Variants in COL21A1 observed in about 807,000 individuals in gnomAD.
The protein encoded by COL21A1 is collagen alpha-1(XXI) chain.
Under a neutral mutation model 137.9 loss-of-function variants are expected in COL21A1, and 149 were observed. The ratio of observed to expected loss-of-function variants is 1.08; its 90% CI spans 0.95 to 1.24. The LOEUF (loss-of-function observed/expected upper bound fraction) is 1.24, where lower values mean the gene tolerates loss of function less well. Among genes scored for constraint, COL21A1 ranks in the 50% most tolerant of loss-of-function variants. The pLI, the probability that COL21A1 is intolerant of heterozygous loss-of-function variation, is 0.00. For synonymous variants in COL21A1, 456 were observed against 391.5 expected, an observed-to-expected ratio of 1.16 and a Z score of -1.95; for missense variants, 1,167 against 1,158.4, an observed-to-expected ratio of 1.01 and a Z score of -0.11.
Position 56,253,582 on chromosome 6 carries a change from GAAAC to G in COL21A1, c.-38-70930_-38-70927del, listed in dbSNP as rs1391235548. 1.1e-4 allele frequency among the ~76,000 whole-genome samples: 17 copies of G among 152,126 alleles called. No individual in the cohort carries two copies. The East Asian group carries it at 3.3e-3, about 29-fold the overall frequency. ...AGAGTAGCTACATCCAGCCATTACT[GAAAC>G]TAGGCCTACTTCTGTATTTTTCCCT... On this transcript the variant is annotated intron_variant, in intron 1 of 28. Coordinates refer to the COL21A1 transcript ENST00000370819.
Position 56,088,037 on chromosome 6 carries a change from A to T in COL21A1, c.1813-10464T>A, listed in dbSNP as rs1768423011. ...AAGCTGGAGAATTGATAAATTCTTC[A>T]TCTTTGTTTTGCTTTAATTTATCAT... On this transcript the variant is annotated intron_variant, in intron 17 of 29. Coordinates refer to ENST00000244728, the MANE Select transcript of COL21A1 (RefSeq NM_030820.4). Among the ~76,000 whole-genome samples, 8 of 152,006 alleles carry T rather than the reference A, an allele frequency of 5.3e-5. No individual in the cohort carries two copies. In the South Asian group the frequency reaches 1.7e-3, roughly 32 times the overall value.
Position 56,077,524 on chromosome 6 carries a change from C to CT in COL21A1, c.1857+4dup, listed in dbSNP as rs1019032506. ...GGCCCAAAGCTAACTCTCATGAATA[C>CT]TTACCTTTTGGCCCATTAATCCTCG... On this transcript the variant is annotated splice_donor_region_variant and intron_variant, in intron 18 of 29. Coordinates refer to ENST00000244728, the MANE Select transcript of COL21A1 (RefSeq NM_030820.4). The CT allele has an allele frequency of 1.9e-6, 3 of 1,570,808 alleles. No individual in the cohort carries two copies. The African/African-American group carries it at 4.1e-5, about 21-fold the overall frequency.
intron 1 of COL21A1, chr6:56,276,785 T>C: frequency 9.0e-7 from 1 of 1,115,934 alleles, no homozygotes; most frequent in Non-Finnish European, 1.3e-6. Context: ...ATTCTGGTTG[T>C]TCAGTGAGTT....
chr6:56,212,347 C>T (rs998597552), intron 1 of COL21A1, among the ~76,000 whole-genome samples: 10 of 151,860 alleles, frequency 6.6e-5, no homozygotes, highest in African/African-American at 2.2e-4. Flanking sequence ...ACACAGCCCC[C>T]CACCAAAAGA....
chr6:56,319,252 T>C (rs967756325), intron 1 of COL21A1, among the ~76,000 whole-genome samples: 2 of 152,132 alleles, frequency 1.3e-5, no homozygotes, highest in Admixed American at 1.3e-4. Flanking sequence ...ATGCAGAAGT[T>C]TTCACACCTG....
chr6:56,277,561 A>G (rs1409037630), intron 1 of COL21A1, among the ~76,000 whole-genome samples: 1 of 152,248 alleles, frequency 6.6e-6, no homozygotes, highest in Non-Finnish European at 1.5e-5. Flanking sequence ...TACCAAATAC[A>G]CTAAATAGTC....
At chr6:56,309,055 T>C (rs1271514118) in intron 1 of COL21A1, among the ~76,000 whole-genome samples, 1 of 151,962 alleles carries the variant, frequency 6.6e-6, no homozygotes, top group African/African-American at 2.4e-5. Flanking sequence ...CTTTTTTTTT[T>C]TTTTCCCCGA....
intron 1 of COL21A1, among the ~76,000 whole-genome samples, chr6:56,349,715 C>A (rs1412208153): frequency 6.6e-6 from 1 of 152,186 alleles, no homozygotes; most frequent in East Asian, 1.9e-4. Context: ...TCTATTTCTT[C>A]TTTTACATTA....
chr6:56,295,085 C>A (rs1764132394), intron 1 of COL21A1, among the ~76,000 whole-genome samples: 1 of 151,932 alleles, frequency 6.6e-6, no homozygotes, highest in African/African-American at 2.4e-5. Flanking sequence ...CGTCTATGAT[C>A]CATTTTGAGT....
At chr6:56,151,370 A>G (rs1480770780) in intron 10 of COL21A1, among the ~76,000 whole-genome samples, 1 of 152,200 alleles carries the variant, frequency 6.6e-6, no homozygotes, top group African/African-American at 2.4e-5. Context: ...CAATGTATAA[A>G]TCTCTGTAAT....
At chr6:56,320,518 AACACACACACACAC>A (rs55942460) in intron 1 of COL21A1, among the ~76,000 whole-genome samples, 2 of 149,492 alleles carry the variant, frequency 1.3e-5, no homozygotes, top group African/African-American at 2.5e-5. Context: ...ACACAATCTG[AACACACACACACAC>A]ACACACACAC....
At chr6:56,177,714 C>G (rs1777595851) in intron 3 of COL21A1, among the ~76,000 whole-genome samples, 1 of 150,042 alleles carries the variant, frequency 6.7e-6, no homozygotes, top group East Asian at 2.0e-4. Flanking sequence ...ATGGCATGAA[C>G]CCGGGAGGCG....
intron 1 of COL21A1, among the ~76,000 whole-genome samples, chr6:56,311,460 C>T (rs936024988): frequency 6.6e-6 from 1 of 152,116 alleles, no homozygotes; most frequent in Middle Eastern, 3.2e-3. Context: ...GCTAGTGGAA[C>T]CCTTTATAAT....
chr6:56,340,077 A>G (rs1765431568), intron 1 of COL21A1, among the ~76,000 whole-genome samples: 1 of 152,284 alleles, frequency 6.6e-6, no homozygotes, highest in African/African-American at 2.4e-5. Context: ...CCATCTCAGA[A>G]CCGTACATGC....
At chr6:56,341,925 A>G (rs1246272638) in intron 1 of COL21A1, among the ~76,000 whole-genome samples, 2 of 152,170 alleles carry the variant, frequency 1.3e-5, no homozygotes, top group Non-Finnish European at 1.5e-5. Flanking sequence ...TAAAAATCAC[A>G]AAAAATAATG....
chr6:56,067,590 G>C (rs997639076), intron 22 of COL21A1, among the ~76,000 whole-genome samples: 1 of 151,630 alleles, frequency 6.6e-6, no homozygotes, highest in East Asian at 1.9e-4. Context: ...TTCCCAGAAA[G>C]GAGAAAACTT....
At chr6:56,289,819 G>A (rs1423882534) in intron 1 of COL21A1, among the ~76,000 whole-genome samples, 3 of 152,164 alleles carry the variant, frequency 2.0e-5, no homozygotes, top group Admixed American at 6.5e-5. Flanking sequence ...GATGGAGGTC[G>A]TTAAGGGGAG....
chr6:56,060,072 C>A lies in COL21A1; in HGVS notation c.2554G>T (p.Gly852Cys), dbSNP rs540310046. The change falls in exon 28 of 30, where the codon GGT (glycine) becomes TGT (cysteine). Residue 852 changes from glycine to cysteine, a missense_variant. By Grantham distance (159) the Gly-to-Cys change is radical. Coordinates refer to ENST00000244728, the MANE Select transcript of COL21A1 (RefSeq NM_030820.4). ...GGGACACCCACTAATCCAGGAACAC[C>A]ATCTCTTCCTGGCAAACCAGGTAAT... The part of the protein sequence containing the change: ...RGLPGLPGRD[G>C]VPGLVGVPGR... 1 of 1,610,352 alleles carries A rather than the reference C, an allele frequency of 6.2e-7. No homozygotes were observed. The highest frequency in any genetic ancestry group is 1.3e-5 in the African/African-American group (1 of 74,774).
intron 1 of COL21A1, among the ~76,000 whole-genome samples, chr6:56,370,127 C>T (rs2152349968): frequency 6.6e-6 from 1 of 152,102 alleles, no homozygotes; most frequent in Non-Finnish European, 1.5e-5. Flanking sequence ...TTGTCTTTTC[C>T]TTTATTAATC....
Sources: gnomAD v4.1 joint callset for allele counts (sites outside exome capture counted in the v4.1 genomes callset) on GRCh38, gnomAD v4.1.1 for gene constraint, MANE v1.5 for transcripts, NCBI Gene and HGNC (gene_info 2026-07-23, HGNC 2026-07-21) for gene names.